Variants in AEBP2 observed in about 807,000 individuals in gnomAD.
AEBP2 encodes zinc finger protein AEBP2.
Under a neutral mutation model 50.8 loss-of-function variants are expected in AEBP2, and 10 were observed. The observed-to-expected ratio is 0.20, with a 90% CI of 0.12 to 0.33. The LOEUF is 0.33. Among genes scored for constraint, AEBP2 ranks in the 10% least tolerant of loss-of-function variants. The pLI, the probability that AEBP2 is intolerant of heterozygous loss-of-function variation, is 1.00. For missense variants in AEBP2, 570 were observed against 688.0 expected, an observed-to-expected ratio of 0.83 and a Z score of 1.92; for synonymous variants, 296 against 261.3, an observed-to-expected ratio of 1.13 and a Z score of -1.28.
At chr12:19,413,565 A>T in intron 1 of AEBP2, 1 of 657,894 alleles carries the variant, frequency 1.5e-6, no homozygotes, top group Non-Finnish European at 2.8e-6. Context: ...CTTTTAAAAA[A>T]TAAACTTGTT....
intron 5 of AEBP2, 131 bp from the exon 6 acceptor site, chr12:19,512,267 G>A (rs549973209): frequency 2.5e-5 from 13 of 527,720 alleles, no homozygotes; most frequent in Middle Eastern, 5.4e-4. Flanking sequence ...TGATCCACCC[G>A]CCTTGGCCTC....
intron 5 of AEBP2, among the ~76,000 whole-genome samples, chr12:19,509,609 G>T (rs1049417564): frequency 6.6e-6 from 1 of 152,148 alleles, no homozygotes; most frequent in African/African-American, 2.4e-5. Context: ...ATACCTAGGC[G>T]TAGTGGCTGC....
At chr12:19,488,635 T>C (rs1948850431) in intron 3 of AEBP2, among the ~76,000 whole-genome samples, 1 of 152,198 alleles carries the variant, frequency 6.6e-6, no homozygotes, top group Non-Finnish European at 1.5e-5. Context: ...AGCCCCTTGT[T>C]GATCTTCAGA....
chr12:19,452,648 T>A (rs1489306411), intron 1 of AEBP2, among the ~76,000 whole-genome samples: 1 of 152,192 alleles, frequency 6.6e-6, no homozygotes, highest in Non-Finnish European at 1.5e-5. Context: ...AAATGGTAAC[T>A]CAAGTAAAGA....
chr12:19,460,751 T>G (rs745637133), intron 1 of AEBP2, among the ~76,000 whole-genome samples: 2 of 150,544 alleles, frequency 1.3e-5, no homozygotes, highest in African/African-American at 2.4e-5. Context: ...GCCTCCTGGG[T>G]TCACACCATT....
upstream of AEBP2, among the ~76,000 whole-genome samples, chr12:19,437,952 C>G (rs983042718): frequency 2.0e-5 from 3 of 152,190 alleles, no homozygotes; most frequent in Non-Finnish European, 2.9e-5. Context: ...CCTCATTTTC[C>G]TTGAGTAGAA....
At chr12:19,448,775 A>G (rs1347178284) in intron 1 of AEBP2, among the ~76,000 whole-genome samples, 4 of 152,014 alleles carry the variant, frequency 2.6e-5, no homozygotes, top group Admixed American at 6.6e-5. Flanking sequence ...AAACTCCTGG[A>G]CCCAAGTGAC....
chr12:19,513,622 G>T (rs1389829434), intron 6 of AEBP2, among the ~76,000 whole-genome samples: 1 of 152,054 alleles, frequency 6.6e-6, no homozygotes, highest in Non-Finnish European at 1.5e-5. Flanking sequence ...AAATTAGCTG[G>T]TTGTGATGGT....
chr12:19,510,865 C>CTTTTTTTTTTTTTTTTTT (rs58870259), intron 5 of AEBP2, among the ~76,000 whole-genome samples: 2 of 89,034 alleles, frequency 2.2e-5, no homozygotes, highest in Admixed American at 1.4e-4. Context: ...AAGGTAGTGA[C>CTTTTTTTTTTTTTTTTTT]TTTTTTTTTT....
Position 19,520,808 on chromosome 12 carries a change from A to T in AEBP2, c.*2691A>T, listed in dbSNP as rs748470660. The T allele has an allele frequency of 1.3e-5, 2 of 152,186 alleles. No homozygotes were observed. The highest frequency in any genetic ancestry group is 2.4e-5 in the African/African-American group (1 of 41,452). 9.4% of individuals were successfully genotyped at this position (152,186 alleles called of 1,614,324 possible). A position where few individuals can be genotyped will look rare whatever the true frequency, so the allele number is the denominator to read the frequency against. On this transcript the variant is annotated 3_prime_UTR_variant, in exon 8 of 8. Coordinates refer to ENST00000266508, the MANE Select transcript of AEBP2 (RefSeq NM_153207.5). ...TGGCAATCCCTAATCCAAAAATCTG[A>T]CATAAAAAATGCTCCAAAGTTCAAA...
intron 3 of AEBP2, among the ~76,000 whole-genome samples, chr12:19,474,941 C>T (rs145023667): frequency 0.021 from 3,242 of 152,142 alleles, 42 homozygotes; most frequent in East Asian, 0.043. Flanking sequence ...TACCGGCATG[C>T]GCCATCACGC....
At chr12:19,422,957 C>G (rs1473479275) in intron 1 of AEBP2, among the ~76,000 whole-genome samples, 1 of 144,626 alleles carries the variant, frequency 6.9e-6, no homozygotes, top group Admixed American at 7.2e-5. Context: ...CCCAGCTACT[C>G]AGGAGGCTGA....
chr12:19,504,269 C>G (rs545862754), intron 5 of AEBP2, among the ~76,000 whole-genome samples: 1 of 151,410 alleles, frequency 6.6e-6, no homozygotes, highest in East Asian at 1.9e-4. Flanking sequence ...GAGTCTTGCT[C>G]TGTCGCCCAG....
rs1411623853 is a variant in AEBP2 at position 19,518,375 on chromosome 12, A to G, written c.*258A>G. On this transcript the variant is annotated 3_prime_UTR_variant, in exon 8 of 8. Coordinates refer to ENST00000266508, the MANE Select transcript of AEBP2 (RefSeq NM_153207.5). Reference sequence around the variant, plus strand: ...TGGTACTGTGGGAGACTGAGCAAACACTCTTTTGGCAACTTAGTAGAACAG... The same window carrying G: ...TGGTACTGTGGGAGACTGAGCAAACGCTCTTTTGGCAACTTAGTAGAACAG... 1 of 1,228,218 alleles carries G rather than the reference A, an allele frequency of 8.1e-7. No homozygotes were observed. Among genetic ancestry groups the G allele is most frequent in the Non-Finnish European group, 1.0e-6 (1 of 984,446 alleles). The allele number at this position is 1,228,218 out of a possible 1,614,324, so 76.1% of individuals were successfully genotyped here.
chr12:19,413,185 G>T, intron 1 of AEBP2: 1 of 763,536 alleles, frequency 1.3e-6, no homozygotes. Context: ...AGGAAGCAAA[G>T]CACAGGGAAG....
Position 19,518,857 on chromosome 12 carries a change from C to A in AEBP2, c.*740C>A. On this transcript the variant is annotated 3_prime_UTR_variant, in exon 8 of 8. Transcript: ENST00000266508. ...ATGGAGTACAGTATGTTAATATTTA[C>A]CTATATAACTAATCTGTTAACGGTT... The A allele has an allele frequency of 1.9e-6, 1 of 517,874 alleles. No individual in the cohort carries two copies. 32.1% of individuals were successfully genotyped at this position (517,874 alleles called of 1,614,324 possible).
intron 2 of AEBP2, among the ~76,000 whole-genome samples, chr12:19,465,249 C>T (rs1283731457): frequency 1.3e-5 from 2 of 151,922 alleles, no homozygotes; most frequent in African/African-American, 4.8e-5. Flanking sequence ...CAAAAATTAG[C>T]TGGGTATAGT....
At chr12:19,407,157 C>T (rs1279955254) in intron 1 of AEBP2, among the ~76,000 whole-genome samples, 1 of 152,060 alleles carries the variant, frequency 6.6e-6, no homozygotes, top group Non-Finnish European at 1.5e-5. Context: ...AAGAATTAGC[C>T]TGGCATGGTG....
chr12:19,458,277 C>T (rs1223177278), intron 1 of AEBP2, among the ~76,000 whole-genome samples: 2 of 152,148 alleles, frequency 1.3e-5, no homozygotes, highest in African/African-American at 4.8e-5. Flanking sequence ...CAGCATGGGT[C>T]TGGGGCCAAA....
Sources: allele counts gnomAD v4.1 joint callset (sites outside exome capture counted in the v4.1 genomes callset), GRCh38; gene constraint gnomAD v4.1.1; transcripts MANE v1.5; gene names NCBI Gene and HGNC (gene_info 2026-07-23, HGNC 2026-07-21).